HTR1F: variants seen among roughly 807,000 people sequenced by gnomAD.
HTR1F encodes the protein 5-hydroxytryptamine (serotonin) receptor 1F, G protein-coupled.
In HTR1F, 17 loss-of-function variants were observed where a neutral mutation model predicts 24.0. The ratio of observed to expected loss-of-function variants is 0.71; its 90% confidence interval spans 0.48 to 1.06. The LOEUF (loss-of-function observed/expected upper bound fraction) is 1.06, where lower values mean the gene tolerates loss of function less well. HTR1F is among the 50% of genes least tolerant of loss of function. The probability of loss-of-function intolerance (pLI) is 0.00; values close to 1 mark genes in which losing one functional copy is unlikely to be tolerated. For missense variants in HTR1F, 391 were observed against 427.8 expected, an observed-to-expected ratio of 0.91 and a Z score of 0.76; for synonymous variants, 186 against 156.8, an observed-to-expected ratio of 1.19 and a Z score of -1.39.
intron 2 of HTR1F, among the ~76,000 whole-genome samples, chr3:87,850,140 T>A (rs1023292620): frequency 1.9e-4 from 29 of 151,930 alleles, no homozygotes; most frequent in African/African-American, 7.0e-4. Context: ...ATCATGCTGC[T>A]ATAAAGACAC....
chr3:87,943,554 A>AG (rs771661843), intron 2 of HTR1F, among the ~76,000 whole-genome samples: 3 of 96,766 alleles, frequency 3.1e-5, no homozygotes, highest in African/African-American at 7.5e-5. Flanking sequence ...TTTGGGTTGA[A>AG]GGGGGGTCCT....
intron 2 of HTR1F, among the ~76,000 whole-genome samples, chr3:87,968,232 G>A (rs1236340307): frequency 6.6e-6 from 1 of 150,566 alleles, no homozygotes; most frequent in Non-Finnish European, 1.5e-5. Context: ...TTTTTTTTGA[G>A]ACAGAGTTTC....
At chr3:87,814,341 A>C (rs565833848) in intron 1 of HTR1F, among the ~76,000 whole-genome samples, 1 of 152,200 alleles carries the variant, frequency 6.6e-6, no homozygotes, top group African/African-American at 2.4e-5. Context: ...GAATGGCTAC[A>C]TCAAGCTAAT....
intron 2 of HTR1F, among the ~76,000 whole-genome samples, chr3:87,864,289 G>A (rs1705376926): frequency 6.6e-6 from 1 of 152,130 alleles, no homozygotes. Flanking sequence ...CCAGTTTAAA[G>A]TTCAAACTAC....
chr3:87,940,337 G>T lies in HTR1F; in HGVS notation c.-42-50371G>T, dbSNP rs111883824. ...CAAAATCAATGTGCAAAAATCACAA[G>T]CATTCCTATACACAAATAATAGACA... is the stretch of plus-strand genomic sequence containing the variant. On this transcript the variant is annotated intron_variant, in intron 2 of 2. Coordinates refer to ENST00000319595, the MANE Select transcript of HTR1F (RefSeq NM_001322209.2). 4.5e-3 allele frequency among the ~76,000 whole-genome samples: 690 copies of T among 152,258 alleles called. 1 individual carries two copies. Among genetic ancestry groups the T allele is most frequent in the African/African-American group, 0.016 (667 of 41,562 alleles).
intron 2 of HTR1F, among the ~76,000 whole-genome samples, chr3:87,835,142 C>T (rs1318129684): frequency 6.6e-6 from 1 of 152,096 alleles, no homozygotes; most frequent in Non-Finnish European, 1.5e-5. Flanking sequence ...CATCTTGATT[C>T]CTGCTCCAGA....
intron 2 of HTR1F, among the ~76,000 whole-genome samples, chr3:87,963,707 T>C (rs991519223): frequency 2.0e-5 from 3 of 152,128 alleles, no homozygotes; most frequent in Non-Finnish European, 4.4e-5. Flanking sequence ...CCTCAACTTC[T>C]CAATGGAGGT....
intron 2 of HTR1F, among the ~76,000 whole-genome samples, chr3:87,844,272 T>C (rs1384874080): frequency 6.6e-6 from 1 of 151,490 alleles, no homozygotes; most frequent in East Asian, 1.9e-4. Flanking sequence ...GTTTCTCTGA[T>C]GGCCAGTGAT....
intron 2 of HTR1F, among the ~76,000 whole-genome samples, chr3:87,903,106 C>G (rs1274038384): frequency 6.6e-6 from 1 of 152,012 alleles, no homozygotes; most frequent in Non-Finnish European, 1.5e-5. Context: ...CTTCCTTACA[C>G]CTTATACAAA....
intron 2 of HTR1F, among the ~76,000 whole-genome samples, chr3:87,957,074 G>C (rs556714593): frequency 4.0e-5 from 6 of 151,258 alleles, no homozygotes; most frequent in Admixed American, 1.3e-4. Flanking sequence ...GAAACAGGAC[G>C]TTAGGTGCAG....
chr3:87,991,159 C>T lies in HTR1F; in HGVS notation c.410C>T (p.Pro137Leu). 1.9e-6 allele frequency: 3 copies of T among 1,614,010 alleles called. No individual in the cohort carries two copies. Among genetic ancestry groups the T allele is most frequent in the Non-Finnish European group, 2.5e-6 (3 of 1,179,998 alleles). The change falls in exon 3 of 3, where the codon CCA (proline) becomes CTA (leucine). Residue 137 changes from proline to leucine, a missense_variant. Coordinates refer to ENST00000319595, the MANE Select transcript of HTR1F (RefSeq NM_001322209.2). ...DAVEYARKRT[P>L]KHAGIMITIV... Reference sequence around the variant, plus strand: ...GTTGAGTATGCCAGGAAAAGGACTCCAAAGCATGCTGGCATTATGATTACA... The same window carrying T: ...GTTGAGTATGCCAGGAAAAGGACTCTAAAGCATGCTGGCATTATGATTACA...
chr3:87,919,506 C>T (rs1703965518), intron 2 of HTR1F, among the ~76,000 whole-genome samples: 2 of 151,628 alleles, frequency 1.3e-5, no homozygotes, highest in African/African-American at 4.8e-5. Flanking sequence ...GAATCTACAA[C>T]GAACTCAAAC....
chr3:87,835,359 T>G (rs1423987325), intron 2 of HTR1F, among the ~76,000 whole-genome samples: 3 of 146,350 alleles, frequency 2.0e-5, no homozygotes, highest in Non-Finnish European at 3.0e-5. Flanking sequence ...CTAAAATGAC[T>G]AAGAATCTCA....
At chr3:87,954,172 T>G (rs1704895132) in intron 2 of HTR1F, among the ~76,000 whole-genome samples, 3 of 151,800 alleles carry the variant, frequency 2.0e-5, no homozygotes. Context: ...ATATATTGTA[T>G]ATTTCAAAAT....
rs1460215915 is a variant in HTR1F at position 87,992,576 on chromosome 3, C to T, written c.*726C>T. 6.0e-6 allele frequency: 1 copy of T among 166,940 alleles called. No individual in the cohort carries two copies. The highest frequency in any genetic ancestry group is 1.5e-5 in the Non-Finnish European group (1 of 68,064). 10.3% of individuals were successfully genotyped at this position (166,940 alleles called of 1,614,324 possible). On this transcript the variant is annotated 3_prime_UTR_variant, in exon 3 of 3. Coordinates refer to ENST00000319595, the MANE Select transcript of HTR1F (RefSeq NM_001322209.2). The stretch of plus-strand genomic sequence containing the variant: ...ATCAGCATTTGAAATCAAAGCCTTA[C>T]CTTAGTAACAATAACTCAACAAAGG...
At chr3:87,826,624 C>T (rs1704469361) in intron 2 of HTR1F, among the ~76,000 whole-genome samples, 1 of 152,104 alleles carries the variant, frequency 6.6e-6, no homozygotes, top group Non-Finnish European at 1.5e-5. Flanking sequence ...TAGGTGTTTT[C>T]CAGCTTAGTG....
At chr3:87,981,393 C>A (rs1384234400) in intron 2 of HTR1F, among the ~76,000 whole-genome samples, 1 of 152,168 alleles carries the variant, frequency 6.6e-6, no homozygotes, top group Non-Finnish European at 1.5e-5. Context: ...CAGGGTTTCA[C>A]CGTGTTGCCC....
At chr3:87,976,923 C>G (rs1376234495) in intron 2 of HTR1F, among the ~76,000 whole-genome samples, 1 of 152,124 alleles carries the variant, frequency 6.6e-6, no homozygotes, top group Admixed American at 6.5e-5. Context: ...GCTTATTACT[C>G]AAGGAGAGGG....
At chr3:87,922,912 T>C (rs982386487) in intron 2 of HTR1F, among the ~76,000 whole-genome samples, 1 of 151,512 alleles carries the variant, frequency 6.6e-6, no homozygotes, top group African/African-American at 2.4e-5. Flanking sequence ...GGGTCTTACA[T>C]GTAAGTCTTC....
Sources: allele counts gnomAD v4.1 joint callset (sites outside exome capture counted in the v4.1 genomes callset), GRCh38; gene constraint gnomAD v4.1.1; transcripts MANE v1.5; gene names NCBI Gene and HGNC (gene_info 2026-07-23, HGNC 2026-07-21).